FASTKD3: variants seen among roughly 807,000 people sequenced by gnomAD.
FASTKD3 encodes the protein FAST kinase domain-containing protein 3, mitochondrial.
In FASTKD3, 47 loss-of-function variants were observed where a neutral mutation model predicts 49.7. The observed-to-expected ratio is 0.95, with a 90% CI of 0.75 to 1.21. The LOEUF is 1.21. Among genes scored for constraint, FASTKD3 ranks in the 50% most tolerant of loss-of-function variants. The pLI, the probability that FASTKD3 is intolerant of heterozygous loss-of-function variation, is 0.00. For synonymous variants in FASTKD3, 284 were observed against 288.6 expected (o/e 0.98, Z 0.16); for missense variants, 748 against 765.7 (o/e 0.98, Z 0.27).
intron 6 of FASTKD3, among the ~76,000 whole-genome samples, chr5:7,859,997 C>A (rs996053576): frequency 6.6e-6 from 1 of 152,042 alleles, no homozygotes; most frequent in African/African-American, 2.4e-5. Context: ...AGGGAGAGAG[C>A]AGGAGGCGCA....
rs767456477 is a variant in FASTKD3, at chr5:7,868,965, G to A, written c.-114+14C>T. The A allele has an allele frequency of 3.9e-6, 3 of 773,002 alleles. No individual in the cohort carries two copies. The Admixed American group carries it at 5.6e-5, about 14-fold the overall frequency. 47.9% of individuals were successfully genotyped at this position (773,002 alleles called of 1,614,324 possible). A position where few individuals can be genotyped will look rare whatever the true frequency, so the allele number is the denominator to read the frequency against. ...GCCGGACCAACTGCGCGGAGACCCC[G>A]CGTTGACACCTACCGCGCTCTGCCG... On this transcript the variant is annotated intron_variant, in intron 1 of 6. Transcript: ENST00000264669.
At chr5:7,859,572 T>A (rs774850217) in intron 6 of FASTKD3, 33 bp from the exon 7 acceptor site, 5 of 1,362,052 alleles carry the variant, frequency 3.7e-6, no homozygotes, top group Non-Finnish European at 5.2e-6. Flanking sequence ...CTGGTCAAGA[T>A]CCTTCAAAAT....
intron 3 of FASTKD3, 63 bp from the exon 4 acceptor site, chr5:7,863,060 GA>G: frequency 7.0e-7 from 1 of 1,436,374 alleles, no homozygotes; most frequent in Non-Finnish European, 9.7e-7. Flanking sequence ...AGAATAAATT[GA>G]AGGTTACCTA....
intron 2 of FASTKD3, 64 bp downstream of exon 2, chr5:7,866,582 C>T (rs557231190): frequency 7.9e-7 from 1 of 1,268,934 alleles, no homozygotes; most frequent in East Asian, 2.3e-5. Context: ...TTATATGTGA[C>T]TTGAAACCAC....
Position 7,861,588 on chromosome 5 carries a change from A to G in FASTKD3, c.1764T>C (p.His588=), listed in dbSNP as rs1326384260. The G allele has an allele frequency of 6.3e-7, 1 of 1,588,282 alleles. No homozygotes were observed. Among genetic ancestry groups the G allele is most frequent in the Non-Finnish European group, 8.6e-7 (1 of 1,166,806 alleles). The change falls in exon 5 of 7, where the codon CAT becomes CAC. Residue 588 remains histidine (H), a synonymous_variant. Coordinates refer to ENST00000264669, the MANE Select transcript of FASTKD3 (RefSeq NM_024091.4). ...AACACAACATTTTCCTGTACCTTTTATGGATATCTTCATTAGCTGTGGATG... is the reference window on the plus strand; with the variant it reads ...AACACAACATTTTCCTGTACCTTTTGTGGATATCTTCATTAGCTGTGGATG... The part of the protein sequence containing the change: ...VLPSTANEDI[H]KRIALCIDGP...
In FASTKD3 at chr5:7,861,133, A is replaced by T; in HGVS notation, c.1884+16T>A. On this transcript the variant is annotated intron_variant, in intron 6 of 6. Coordinates refer to ENST00000264669, the MANE Select transcript of FASTKD3 (RefSeq NM_024091.4). ...GATTTGCTTTTGGGAAACAAAAAAA[A>T]TAGGTGAAACCGTACCTGAACAACT... 1 of 1,488,846 alleles carries T rather than the reference A, an allele frequency of 6.7e-7. No homozygotes were observed. The highest frequency in any genetic ancestry group is 9.2e-7 in the Non-Finnish European group (1 of 1,084,048). 92.2% of individuals were successfully genotyped at this position (1,488,846 alleles called of 1,614,324 possible).
intron 5 of FASTKD3, 22 bp from the exon 6 acceptor site, chr5:7,861,285 A>G: frequency 7.4e-7 from 1 of 1,343,040 alleles, no homozygotes; most frequent in Non-Finnish European, 1.0e-6. Context: ...AAAAGGAGAA[A>G]AATACTTAAT....
intron 6 of FASTKD3, among the ~76,000 whole-genome samples, 159 bp from the exon 7 acceptor site, chr5:7,859,698 A>G (rs563900088): frequency 1.1e-4 from 16 of 152,220 alleles, no homozygotes; most frequent in Non-Finnish European, 1.5e-4. Flanking sequence ...TGTATCCCCA[A>G]TGTCTAGAAC....
At chr5:7,862,493 G>A (rs1746622161) in intron 4 of FASTKD3, among the ~76,000 whole-genome samples, 1 of 152,126 alleles carries the variant, frequency 6.6e-6, no homozygotes, top group South Asian at 2.1e-4. Context: ...AACAATTAGT[G>A]AGCATTTCCT....
rs202195725 is a variant in FASTKD3, at chr5:7,862,758, CAT to C, written c.1699+63_1699+64del. 1.2e-3 allele frequency: 1,630 copies of C among 1,367,972 alleles called. 11 individuals are homozygous for C. In the African/African-American group the frequency reaches 0.018, roughly 15 times the overall value. The allele number at this position is 1,367,972 out of a possible 1,614,324, so 84.7% of individuals were successfully genotyped here. A position where few individuals can be genotyped will look rare whatever the true frequency, so the allele number is the denominator to read the frequency against. On this transcript the variant is annotated intron_variant, in intron 4 of 6. Coordinates refer to ENST00000264669, the MANE Select transcript of FASTKD3 (RefSeq NM_024091.4). ...GAGAACTTCTATTGCTTCTAAGTCC[CAT>C]ATATCTCCAAAATCGAACAGGATGC...
At chr5:7,861,038 A>C in intron 6 of FASTKD3, 111 bp downstream of exon 6, 1 of 654,842 alleles carries the variant, frequency 1.5e-6, no homozygotes, top group East Asian at 2.7e-5. Context: ...TGCCTGATCA[A>C]ATTCTTTAAA....
At position 7,867,484 on chromosome 5, in the gene FASTKD3, C is replaced by G; in HGVS notation, c.600G>C (p.Leu200=). Reference sequence around the variant, plus strand: ...TGAGACGATTTTGGCATTCTGCCACCAGGTTCAGCAACAGGCTACTTTGAG... The same window carrying G: ...TGAGACGATTTTGGCATTCTGCCACGAGGTTCAGCAACAGGCTACTTTGAG... ...VDPQSSLLLN[L]VAECQNRLRK... Residue 200 remains leucine, a synonymous_variant, in exon 2 of 7, where the codon CTG becomes CTC. Coordinates refer to ENST00000264669, the MANE Select transcript of FASTKD3 (RefSeq NM_024091.4). 6.2e-7 allele frequency: 1 copy of G among 1,614,224 alleles called. No homozygotes were observed. The highest frequency in any genetic ancestry group is 1.6e-4 in the Middle Eastern group (1 of 6,062).
Position 7,867,654 on chromosome 5 carries a change from C to G in FASTKD3, c.430G>C (p.Asp144His). ...TCTTTTGGCAGCCCTTGATCACCAT[C>G]CTTTTTTTCCACTTCACAAATTCGT... Reference protein sequence around the residue: ...LQRICEVEKKDGDQGLPKEIL... With the variant: ...LQRICEVEKKHGDQGLPKEIL... The change falls in exon 2 of 7, where the codon GAT (aspartate) becomes CAT (histidine). Residue 144 changes from aspartate to histidine, a missense_variant. Around this residue, in one of 3 missense-constraint regions of FASTKD3, gnomAD observed 564 missense variants for 562.8 expected, o/e 1.00. Coordinates refer to ENST00000264669, the MANE Select transcript of FASTKD3 (RefSeq NM_024091.4). 1 of 1,614,210 alleles carries G rather than the reference C, an allele frequency of 6.2e-7. No individual in the cohort carries two copies. The highest frequency in any genetic ancestry group is 8.5e-7 in the Non-Finnish European group (1 of 1,180,040).
intron 3 of FASTKD3, among the ~76,000 whole-genome samples, chr5:7,865,166 T>C (rs563953718): frequency 6.6e-6 from 1 of 152,352 alleles, no homozygotes; most frequent in African/African-American, 2.4e-5. Flanking sequence ...TGTATACATT[T>C]GGGCGTAGAA....
Position 7,866,833 on chromosome 5 carries a change from T to C in FASTKD3, c.1251A>G (p.Lys417=), listed in dbSNP as rs746313705. The change falls in exon 2 of 7, where the codon AAA becomes AAG. Residue 417 remains lysine, a synonymous_variant. Coordinates refer to ENST00000264669, the MANE Select transcript of FASTKD3 (RefSeq NM_024091.4). ...AGGCATTTGGTGGCAAATAATTGAGTTTCCCAAATGGTTCCATTAAGGCAG... is the reference window on the plus strand; with the variant it reads ...AGGCATTTGGTGGCAAATAATTGAGCTTCCCAAATGGTTCCATTAAGGCAG... ...QISALMEPFG[K]LNYLPPNASA... 1.1e-5 allele frequency: 18 copies of C among 1,613,930 alleles called. No homozygotes were observed. The South Asian group carries it at 2.0e-4, about 18-fold the overall frequency.
rs1189858199 is a variant in FASTKD3, at chr5:7,866,655, G to A, written c.1429C>T (p.Arg477Trp). 9.5e-6 allele frequency: 15 copies of A among 1,582,564 alleles called. No homozygotes were observed. Among genetic ancestry groups the A allele is most frequent in the African/African-American group, 1.4e-5 (1 of 73,204 alleles). ...TTTATAACCAACTCACCTTGCAGCC[G>A]TTGAAGGAAAAGAGGCTTGAATATT... ...AKIFKPLFLQ[R>W]LQGKESHLDT... The change falls in exon 2 of 7, where the codon CGG becomes TGG. Residue 477 changes from arginine to tryptophan, a missense_variant. Coordinates refer to ENST00000264669, the MANE Select transcript of FASTKD3 (RefSeq NM_024091.4).
At chr5:7,864,422 AAGAC>A (rs1382320263) in intron 3 of FASTKD3, among the ~76,000 whole-genome samples, 5 of 152,190 alleles carry the variant, frequency 3.3e-5, no homozygotes, top group African/African-American at 1.2e-4. Flanking sequence ...GAAGTCATAA[AAGAC>A]AGATTCGACT....
chr5:7,861,553 T>C lies in FASTKD3; in HGVS notation c.1769+30A>G, dbSNP rs1187784624. 5 of 1,505,954 alleles carry C rather than the reference T, an allele frequency of 3.3e-6. No individual in the cohort carries two copies. In the Admixed American group the frequency reaches 5.9e-5, roughly 18 times the overall value. The allele number at this position is 1,505,954 out of a possible 1,614,324, so 93.3% of individuals were successfully genotyped here. A position where few individuals can be genotyped will look rare whatever the true frequency, so the allele number is the denominator to read the frequency against. ...TGCTTATTAGCCTCAACGAGTCTTG[T>C]AATGTGAAAAACACAACATTTTCCT... On this transcript the variant is annotated intron_variant, in intron 5 of 6. Coordinates refer to ENST00000264669, the MANE Select transcript of FASTKD3 (RefSeq NM_024091.4).
At chr5:7,865,072 T>A (rs1239430115) in intron 3 of FASTKD3, among the ~76,000 whole-genome samples, 2 of 152,152 alleles carry the variant, frequency 1.3e-5, no homozygotes, top group Non-Finnish European at 2.9e-5. Flanking sequence ...GGCCATGATA[T>A]ACTGCGCATA....
Sources: gnomAD v4.1 joint callset for allele counts (sites outside exome capture counted in the v4.1 genomes callset) on GRCh38, gnomAD v4.1.1 for gene constraint, gnomAD v4.1.1 regional missense constraint, MANE v1.5 for transcripts, NCBI Gene and HGNC (gene_info 2026-07-23, HGNC 2026-07-21) for gene names.